The following PDE1C variants were observed in gnomAD, a reference collection of about 807,000 sequenced individuals.
PDE1C encodes the protein phosphodiesterase 1C.
Under a neutral mutation model 93.1 loss-of-function variants are expected in PDE1C, and 62 were observed. The ratio of observed to expected loss-of-function variants is 0.67; its 90% CI spans 0.54 to 0.82. The LOEUF (loss-of-function observed/expected upper bound fraction) is 0.82. Ranked by LOEUF, PDE1C falls within the 40% of genes least tolerant of loss-of-function variation. The probability of loss-of-function intolerance (pLI) is 0.00; values close to 1 mark genes in which losing one functional copy is unlikely to be tolerated. For synonymous variants in PDE1C, 325 were observed against 310.1 expected (o/e 1.05, Z -0.50); for missense variants, 742 against 884.6 (o/e 0.84, Z 2.04).
At chr7:31,844,798 T>A (rs1420819503) in intron 9 of PDE1C, among the ~76,000 whole-genome samples, 1 of 152,036 alleles carries the variant, frequency 6.6e-6, no homozygotes, top group Non-Finnish European at 1.5e-5. Context: ...TATAAAATTA[T>A]CCCACATGTC....
At chr7:32,281,194 A>G (rs972407017) in intron 1 of PDE1C, among the ~76,000 whole-genome samples, 1 of 152,198 alleles carries the variant, frequency 6.6e-6, no homozygotes, top group Non-Finnish European at 1.5e-5. Context: ...ATAAAGTACT[A>G]GAAGAAAATA....
the PDE1C span, among the ~76,000 whole-genome samples, chr7:31,634,410 C>T: frequency 5.9e-5 from 9 of 152,266 alleles, no homozygotes; most frequent in African/African-American, 1.4e-4. Flanking sequence ...AAATATATTA[C>T]TGGATATTAT....
rs372356671 is a variant in PDE1C, at chr7:32,237,742, GTA to G, written c.86-28205_86-28204del. Reference sequence around the variant, plus strand: ...AGCCACTATCCGCACTTGGCTCTGTGTATATATATATATATATATACTTTTTT... The same window carrying G: ...AGCCACTATCCGCACTTGGCTCTGTGTATATATATATATATATACTTTTTT... On this transcript the variant is annotated intron_variant, in intron 1 of 18. Coordinates refer to the PDE1C transcript ENST00000396193. 3.2e-4 allele frequency among the ~76,000 whole-genome samples: 10 copies of G among 31,232 alleles called. 1 individual carries two copies. The highest frequency in any genetic ancestry group is 2.8e-3 in the South Asian group (2 of 712). 20.5% of individuals were successfully genotyped at this position (31,232 alleles called of 152,430 possible). A position where few individuals can be genotyped will look rare whatever the true frequency, so the allele number is the denominator to read the frequency against.
At chr7:31,707,179 T>C in the PDE1C span, 2 of 1,604,906 alleles carry the variant, frequency 1.2e-6, no homozygotes, top group South Asian at 2.2e-5. Context: ...GGTACTTAAT[T>C]GCAGGTCTGT....
intron 1 of PDE1C, among the ~76,000 whole-genome samples, chr7:32,336,733 A>C (rs1423479029): frequency 6.6e-6 from 1 of 152,246 alleles, no homozygotes. Flanking sequence ...TTCCCTTGCT[A>C]CATTCAAATA....
At chr7:31,693,169 G>A in the PDE1C span, among the ~76,000 whole-genome samples, 2 of 152,052 alleles carry the variant, frequency 1.3e-5, no homozygotes, top group South Asian at 4.1e-4. Context: ...TTGCCATCAA[G>A]ATATTTTATG....
intron 16 of PDE1C, among the ~76,000 whole-genome samples, chr7:31,799,127 A>C (rs2128683987): frequency 6.6e-6 from 1 of 151,750 alleles, no homozygotes; most frequent in East Asian, 1.9e-4. Context: ...TGCTGAATAA[A>C]GGTCATGTGA....
At chr7:32,168,861 A>G (rs764288397) in intron 3 of PDE1C, among the ~76,000 whole-genome samples, 23 of 152,180 alleles carry the variant, frequency 1.5e-4, no homozygotes, top group Non-Finnish European at 3.1e-4. Context: ...CTGGATACAA[A>G]AGAGAGTATA....
chr7:32,052,950 AT>A (rs1464617503), intron 1 of PDE1C, among the ~76,000 whole-genome samples: 2 of 152,216 alleles, frequency 1.3e-5, no homozygotes, highest in African/African-American at 4.8e-5. Context: ...ACAGAAAAAA[AT>A]ATTAAAATAT....
chr7:31,631,711 A>G, the PDE1C span, among the ~76,000 whole-genome samples: 1 of 152,200 alleles, frequency 6.6e-6, no homozygotes, highest in Non-Finnish European at 1.5e-5. Flanking sequence ...AAGAATTCCT[A>G]GGCTGTAAGA....
At chr7:32,310,940 T>A (rs979704629) in intron 1 of PDE1C, among the ~76,000 whole-genome samples, 11 of 152,178 alleles carry the variant, frequency 7.2e-5, no homozygotes, top group Admixed American at 3.3e-4. Context: ...CAAAAAACCC[T>A]TCAAAAAATT....
chr7:31,742,754 T>C, the PDE1C span, among the ~76,000 whole-genome samples: 1 of 152,206 alleles, frequency 6.6e-6, no homozygotes, highest in Non-Finnish European at 1.5e-5. Flanking sequence ...TTTTGAAGTT[T>C]CTAGTTCTAT....
chr7:32,079,677 C>T (rs1255747299), intron 3 of PDE1C, among the ~76,000 whole-genome samples: 1 of 152,188 alleles, frequency 6.6e-6, no homozygotes, highest in African/African-American at 2.4e-5. Flanking sequence ...GGTTTCTCCT[C>T]GTGGTCTCAG....
rs990888553 is a variant in PDE1C at position 32,327,082 on chromosome 7, G to A, written c.310+100740C>T. On this transcript the variant is annotated intron_variant, in intron 1 of 1. Transcript: ENST00000672256. ...TTGCTCACAAGACACATATGCACAC[G>A]AGCACACAGAAACATCTCCGTAATC... is the stretch of plus-strand genomic sequence containing the variant. Among the ~76,000 whole-genome samples the A allele has an allele frequency of 9.9e-5, 15 of 152,156 alleles. No homozygotes were observed. In the East Asian group the frequency reaches 2.9e-3, roughly 29 times the overall value.
At chr7:32,242,530 G>A (rs9639648) in intron 1 of PDE1C, among the ~76,000 whole-genome samples, 48,959 of 152,112 alleles carry the variant, frequency 0.32, 8,874 homozygotes, top group African/African-American at 0.49. Context: ...TTGTCTCTTT[G>A]GTAAATCAAA....
chr7:31,709,909 G>C, the PDE1C span, among the ~76,000 whole-genome samples: 1 of 152,178 alleles, frequency 6.6e-6, no homozygotes, highest in East Asian at 1.9e-4. Flanking sequence ...CCAACACTTT[G>C]GAAAGTCGAG....
At chr7:32,088,279 G>A (rs1797245229) in intron 3 of PDE1C, among the ~76,000 whole-genome samples, 1 of 152,138 alleles carries the variant, frequency 6.6e-6, no homozygotes, top group Admixed American at 6.5e-5. Flanking sequence ...GTAGTGATTG[G>A]ACTTTTTTTT....
intron 1 of PDE1C, among the ~76,000 whole-genome samples, chr7:32,293,309 C>A (rs1029640466): frequency 1.3e-5 from 2 of 152,188 alleles, no homozygotes; most frequent in Admixed American, 1.3e-4. Flanking sequence ...GGGTTTCCCA[C>A]AGCAAATACA....
chr7:32,274,385 TTTC>T (rs1216227016), intron 1 of PDE1C, among the ~76,000 whole-genome samples: 2 of 150,532 alleles, frequency 1.3e-5, no homozygotes, highest in Admixed American at 6.6e-5. Context: ...TTTTTTTTTT[TTTC>T]TTAAGAAATA....
Sources: allele counts gnomAD v4.1 joint callset (sites outside exome capture counted in the v4.1 genomes callset), GRCh38; gene constraint gnomAD v4.1.1; transcripts MANE v1.5; gene names NCBI Gene and HGNC (gene_info 2026-07-23, HGNC 2026-07-21).